The following PIK3C2G variants were observed in gnomAD, a reference collection of about 807,000 sequenced individuals.
PIK3C2G encodes phosphatidylinositol 3-kinase C2 domain-containing subunit gamma.
Under a neutral mutation model 181.1 loss-of-function variants are expected in PIK3C2G, and 168 were observed. That is an observed-to-expected ratio of 0.93 (90% CI 0.82 to 1.05). PIK3C2G has a LOEUF of 1.05. Ranked by LOEUF, PIK3C2G falls within the 50% of genes least tolerant of loss-of-function variation. The pLI is 0.00. For missense variants in PIK3C2G, 1,869 were observed against 1,732.8 expected, an observed-to-expected ratio of 1.08 and a Z score of -1.40; for synonymous variants, 573 against 592.2, an observed-to-expected ratio of 0.97 and a Z score of 0.47.
intron 1 of PIK3C2G, among the ~76,000 whole-genome samples, chr12:18,268,249 T>C (rs925616771): frequency 2.6e-5 from 4 of 152,182 alleles, no homozygotes; most frequent in African/African-American, 4.8e-5. Flanking sequence ...TTGTGGCTGG[T>C]AATGCTATAC....
At chr12:18,299,940 C>T (rs889004459) in intron 5 of PIK3C2G, among the ~76,000 whole-genome samples, 1 of 151,778 alleles carries the variant, frequency 6.6e-6, no homozygotes, top group Non-Finnish European at 1.5e-5. Flanking sequence ...CCAATATTTT[C>T]TTCAGGATGT....
intron 26 of PIK3C2G, among the ~76,000 whole-genome samples, chr12:18,559,474 T>C (rs980055893): frequency 1.3e-5 from 2 of 152,066 alleles, no homozygotes; most frequent in African/African-American, 2.4e-5. Flanking sequence ...AGTTATTTGT[T>C]GGAAGCTGAG....
intron 29 of PIK3C2G, among the ~76,000 whole-genome samples, chr12:18,585,367 G>GA (rs892825472): frequency 9.0e-5 from 12 of 133,830 alleles, no homozygotes; most frequent in East Asian, 8.6e-4. Context: ...ATGGAAATCA[G>GA]AAAAAAAAAG....
chr12:18,705,275 C>A, the PIK3C2G span: 1 of 1,614,046 alleles, frequency 6.2e-7, no homozygotes, highest in Non-Finnish European at 8.5e-7. Flanking sequence ...GGCAGTGGAG[C>A]AGTGATTTTC....
chr12:18,648,108 G>C lies in PIK3C2G; in HGVS notation c.*80G>C. 4.8e-6 allele frequency: 4 copies of C among 838,490 alleles called. No homozygotes were observed. The highest frequency in any genetic ancestry group is 5.3e-6 in the Non-Finnish European group (3 of 571,098). The allele number at this position is 838,490 out of a possible 1,614,324, so 51.9% of individuals were successfully genotyped here. A position where few individuals can be genotyped will look rare whatever the true frequency, so the allele number is the denominator to read the frequency against. ...TGGGCCTCTGAATCACATAAGTAAGGCATCTTTGTTGTCAAAGACAGCACA... is the reference window on the plus strand; with the variant it reads ...TGGGCCTCTGAATCACATAAGTAAGCCATCTTTGTTGTCAAAGACAGCACA... On this transcript the variant is annotated 3_prime_UTR_variant, in exon 33 of 33. Transcript: ENST00000538779.
At chr12:18,259,898 A>T (rs562148551), upstream of PIK3C2G, among the ~76,000 whole-genome samples, 1 of 152,152 alleles carries the variant, frequency 6.6e-6, no homozygotes, top group South Asian at 2.1e-4. Flanking sequence ...GGACATAGCC[A>T]TGAAAAAAGT....
intron 30 of PIK3C2G, among the ~76,000 whole-genome samples, chr12:18,602,469 CA>C: frequency 6.7e-6 from 1 of 149,186 alleles, no homozygotes; most frequent in Non-Finnish European, 1.5e-5. Flanking sequence ...TGACAAAGGA[CA>C]TATAATTGTG....
chr12:18,687,292 C>G, the PIK3C2G span, among the ~76,000 whole-genome samples: 3 of 152,066 alleles, frequency 2.0e-5, no homozygotes, highest in Non-Finnish European at 4.4e-5. Flanking sequence ...GAAAACTGTG[C>G]CTGCTACTCT....
intron 1 of PIK3C2G, among the ~76,000 whole-genome samples, chr12:18,254,749 G>A (rs1032104835): frequency 2.6e-5 from 4 of 151,974 alleles, no homozygotes; most frequent in African/African-American, 9.7e-5. Flanking sequence ...CTACTCGGGA[G>A]GCCGAGGCAA....
chr12:18,357,631 T>C (rs1218711753), intron 11 of PIK3C2G, among the ~76,000 whole-genome samples: 1 of 152,210 alleles, frequency 6.6e-6, no homozygotes, highest in African/African-American at 2.4e-5. Context: ...TTTTTCAATC[T>C]TTTAAAAATT....
At chr12:18,695,158 A>G in the PIK3C2G span, 1 of 1,363,254 alleles carries the variant, frequency 7.3e-7, no homozygotes, top group South Asian at 1.2e-5. Context: ...ACTGAAATCT[A>G]ATAATGGATT....
chr12:18,670,602 C>CA, the PIK3C2G span, among the ~76,000 whole-genome samples: 1 of 152,158 alleles, frequency 6.6e-6, no homozygotes, highest in African/African-American at 2.4e-5. Context: ...TTCGTTTCTG[C>CA]ATATAAAGCA....
At chr12:18,248,807 T>C (rs1268906686) in intron 1 of PIK3C2G, among the ~76,000 whole-genome samples, 1 of 152,170 alleles carries the variant, frequency 6.6e-6, no homozygotes, top group African/African-American at 2.4e-5. Flanking sequence ...CATAAATGTG[T>C]TTTATTGGCA....
chr12:18,383,316 C>G (rs936127479), intron 14 of PIK3C2G, among the ~76,000 whole-genome samples: 8 of 152,132 alleles, frequency 5.3e-5, no homozygotes, highest in African/African-American at 1.9e-4. Context: ...AATGCAAAAT[C>G]CAGCTGGAGA....
At position 18,290,906 on chromosome 12, in the gene PIK3C2G, C is replaced by G; in HGVS notation, c.813C>G (p.Ile271Met). The G allele has an allele frequency of 1.3e-6, 2 of 1,599,744 alleles. No individual in the cohort carries two copies. Among genetic ancestry groups the G allele is most frequent in the South Asian group, 2.2e-5 (2 of 90,720 alleles). Residue 271 changes from isoleucine to methionine, a missense_variant, in exon 4 of 33, where the codon ATC becomes ATG. By Grantham distance (10) the Ile-to-Met change is conservative (BLOSUM62 1). Coordinates refer to ENST00000538779, the MANE Select transcript of PIK3C2G (RefSeq NM_001288772.2). Reference protein sequence around the residue: ...AADVNFNSGKIWSTTTAFPYQ... With the variant: ...AADVNFNSGKMWSTTTAFPYQ... Reference sequence around the variant, plus strand: ...ATGTTAATTTCAATTCTGGGAAGATCTGGAGCACTACTACAGCATTTCCGT... The same window carrying G: ...ATGTTAATTTCAATTCTGGGAAGATGTGGAGCACTACTACAGCATTTCCGT...
chr12:18,599,533 G>T (rs1947582443), intron 30 of PIK3C2G, among the ~76,000 whole-genome samples: 1 of 151,990 alleles, frequency 6.6e-6, no homozygotes, highest in Non-Finnish European at 1.5e-5. Context: ...AGCACTGGGA[G>T]ATATACCTAA....
At chr12:18,599,345 G>A (rs1252118265) in intron 30 of PIK3C2G, among the ~76,000 whole-genome samples, 1 of 152,142 alleles carries the variant, frequency 6.6e-6, no homozygotes, top group Non-Finnish European at 1.5e-5. Context: ...CATGTCCTTT[G>A]TAGGGACATG....
chr12:18,526,291 T>C (rs1943230860), intron 24 of PIK3C2G, among the ~76,000 whole-genome samples: 1 of 152,178 alleles, frequency 6.6e-6, no homozygotes, highest in Non-Finnish European at 1.5e-5. Flanking sequence ...TGAAATTAGG[T>C]GATTCTCATT....
At chr12:18,294,499 T>G (rs1470677619) in intron 5 of PIK3C2G, among the ~76,000 whole-genome samples, 2 of 152,026 alleles carry the variant, frequency 1.3e-5, no homozygotes, top group Non-Finnish European at 2.9e-5. Flanking sequence ...GCATTATAAC[T>G]TACTTTTTAT....
Sources: allele counts gnomAD v4.1 joint callset (sites outside exome capture counted in the v4.1 genomes callset), GRCh38; gene constraint gnomAD v4.1.1; transcripts MANE v1.5; gene names NCBI Gene and HGNC (gene_info 2026-07-23, HGNC 2026-07-21).